CAPZB: variants seen among roughly 807,000 people sequenced by gnomAD.
CAPZB encodes the protein F-actin-capping protein subunit beta.
Under a neutral mutation model 38.1 loss-of-function variants are expected in CAPZB, and 2 were observed. The observed-to-expected ratio is 0.05, with a 90% CI of 0.02 to 0.17. The LOEUF (loss-of-function observed/expected upper bound fraction) is 0.17. CAPZB is among the 10% of genes least tolerant of loss of function. CAPZB has a pLI of 1.00. For missense variants in CAPZB, 161 were observed against 334.2 expected, an observed-to-expected ratio of 0.48 and a Z score of 4.04; for synonymous variants, 107 against 127.4, an observed-to-expected ratio of 0.84 and a Z score of 1.08.
At chr1:19,404,281 T>C (rs60780644) in intron 2 of CAPZB, among the ~76,000 whole-genome samples, 47,110 of 145,640 alleles carry the variant, frequency 0.32, 7,695 homozygotes, top group Middle Eastern at 0.42. Flanking sequence ...CAGTGGCTCA[T>C]GCCTGTAATC....
At chr1:19,344,238 G>C (rs1344640894) in intron 8 of CAPZB, 120 bp downstream of exon 8, 2 of 747,694 alleles carry the variant, frequency 2.7e-6, no homozygotes, top group Admixed American at 2.1e-5. Context: ...TCCCAGAAGA[G>C]GGGCACTGCA....
intron 6 of CAPZB, among the ~76,000 whole-genome samples, chr1:19,346,287 C>T (rs2093959940): frequency 6.6e-6 from 1 of 151,892 alleles, no homozygotes; most frequent in Non-Finnish European, 1.5e-5. Flanking sequence ...AGAACAGCAT[C>T]AGAAAGGGTA....
intron 1 of CAPZB, among the ~76,000 whole-genome samples, chr1:19,440,901 A>G (rs542693651): frequency 9.9e-5 from 15 of 152,156 alleles, no homozygotes; most frequent in Non-Finnish European, 1.8e-4. Context: ...TCTACTAAAA[A>G]TACAAACAAT....
chr1:19,426,102 G>T (rs1344240465), intron 1 of CAPZB, among the ~76,000 whole-genome samples: 1 of 152,206 alleles, frequency 6.6e-6, no homozygotes, highest in African/African-American at 2.4e-5. Flanking sequence ...CATGGCCTGG[G>T]GAGGTGACTG....
intron 4 of CAPZB, among the ~76,000 whole-genome samples, chr1:19,367,826 T>C (rs2094098374): frequency 6.6e-6 from 1 of 152,192 alleles, no homozygotes; most frequent in African/African-American, 2.4e-5. Flanking sequence ...AAAGAAATAA[T>C]GAAGGCCTCT....
intron 2 of CAPZB, among the ~76,000 whole-genome samples, chr1:19,416,280 A>G (rs1355403016): frequency 6.6e-6 from 1 of 152,250 alleles, no homozygotes; most frequent in Admixed American, 6.5e-5. Flanking sequence ...AAACTGACAC[A>G]GCACATAGAC....
At chr1:19,350,476 G>A (rs751605978) in intron 6 of CAPZB, among the ~76,000 whole-genome samples, 2 of 152,270 alleles carry the variant, frequency 1.3e-5, no homozygotes, top group Admixed American at 1.3e-4. Context: ...AGGACCCGGC[G>A]TGCAGCCAGG....
Position 19,391,313 on chromosome 1 carries a change from C to T in CAPZB, c.94-5687G>A, listed in dbSNP as rs148455612. Among the ~76,000 whole-genome samples, 328 of 152,334 alleles carry T rather than the reference C, an allele frequency of 2.2e-3. 2 individuals are homozygous for T. The highest frequency in any genetic ancestry group is 7.5e-3 in the African/African-American group (311 of 41,580). The stretch of plus-strand genomic sequence containing the variant: ...GCTCAGACCCACGGAGTCTAACCCA[C>T]GGCGCCCTTGTCTTTAAGAAGTGCA... On this transcript the variant is annotated intron_variant, in intron 2 of 8. Coordinates refer to ENST00000264202, the MANE Select transcript of CAPZB (RefSeq NM_004930.5).
chr1:19,359,763 A>G (rs553601529), intron 4 of CAPZB, among the ~76,000 whole-genome samples: 1 of 152,308 alleles, frequency 6.6e-6, no homozygotes, highest in East Asian at 1.9e-4. Context: ...CTTTCCTACG[A>G]GAGGAAAAGG....
At chr1:19,360,862 G>C (rs1048598192) in intron 4 of CAPZB, among the ~76,000 whole-genome samples, 7 of 152,052 alleles carry the variant, frequency 4.6e-5, no homozygotes, top group African/African-American at 1.5e-4. Flanking sequence ...CACTCCTTGT[G>C]GGGTTACTAT....
At chr1:19,390,417 C>T (rs1050134980) in intron 2 of CAPZB, among the ~76,000 whole-genome samples, 5 of 152,272 alleles carry the variant, frequency 3.3e-5, no homozygotes, top group Non-Finnish European at 7.3e-5. Context: ...AACTGCCTAA[C>T]GGCCTTGGAG....
chr1:19,427,388 T>C (rs934857070), intron 1 of CAPZB, among the ~76,000 whole-genome samples: 6 of 152,238 alleles, frequency 3.9e-5, no homozygotes, highest in Non-Finnish European at 5.9e-5. Context: ...AATAACTTCA[T>C]AGACAGCACA....
intron 6 of CAPZB, among the ~76,000 whole-genome samples, 168 bp from the exon 7 acceptor site, chr1:19,345,420 G>A (rs1158721579): frequency 1.3e-5 from 2 of 152,220 alleles, no homozygotes; most frequent in African/African-American, 4.8e-5. Context: ...AGCACAAACC[G>A]ACTTCAGTTT....
At chr1:19,464,130 T>C (rs1342158725) in intron 1 of CAPZB, among the ~76,000 whole-genome samples, 1 of 150,672 alleles carries the variant, frequency 6.6e-6, no homozygotes, top group Non-Finnish European at 1.5e-5. Context: ...GAGGTTGTAG[T>C]GAGCCAAGAT....
chr1:19,339,526 A>T lies in CAPZB; in HGVS notation c.*4T>A, dbSNP rs377396733. On this transcript the variant is annotated 3_prime_UTR_variant, in exon 9 of 9. Coordinates refer to ENST00000264202, the MANE Select transcript of CAPZB (RefSeq NM_004930.5). ...GGCGTGTCTGGTTAGCATGAAACAG[A>T]GGTTTAGCATTGCTGCTTTCTCTTC... 2.0e-4 allele frequency: 318 copies of T among 1,606,154 alleles called. No homozygotes were observed. Among genetic ancestry groups the T allele is most frequent in the Non-Finnish European group, 2.6e-4 (306 of 1,172,816 alleles).
chr1:19,414,467 A>G (rs1188055550), intron 2 of CAPZB, among the ~76,000 whole-genome samples: 2 of 152,170 alleles, frequency 1.3e-5, no homozygotes, highest in Non-Finnish European at 2.9e-5. Context: ...TCCCCTTGAT[A>G]GAGTAAAGTC....
chr1:19,356,861 C>CTTTT lies in CAPZB; in HGVS notation c.472-114_472-111dup. On this transcript the variant is annotated intron_variant, in intron 5 of 8. Coordinates refer to ENST00000264202, the MANE Select transcript of CAPZB (RefSeq NM_004930.5). This position sits in a 1 kb window ranked among gnomAD's most constrained non-coding sequence, Gnocchi z 4.3. ...TCCTAGGTCATTATCACAATATTAC[C>CTTTT]TTTTTTTTTTTTAAATTGGAGACAA... 3 of 589,290 alleles carry CTTTT rather than the reference C, an allele frequency of 5.1e-6. No individual in the cohort carries two copies. The highest frequency in any genetic ancestry group is 5.4e-5 in the Admixed American group (2 of 37,288). 36.5% of individuals were successfully genotyped at this position (589,290 alleles called of 1,614,324 possible).
chr1:19,351,494 G>T (rs1457607862), intron 6 of CAPZB, among the ~76,000 whole-genome samples: 1 of 152,112 alleles, frequency 6.6e-6, no homozygotes, highest in African/African-American at 2.4e-5. Flanking sequence ...TGGGAGGGGT[G>T]AAGGGGTGGG....
At chr1:19,444,440 T>C (rs914998739) in intron 1 of CAPZB, among the ~76,000 whole-genome samples, 1 of 152,210 alleles carries the variant, frequency 6.6e-6, no homozygotes, top group African/African-American at 2.4e-5. Flanking sequence ...TTCTCACTCA[T>C]ATAAACAAAC....
Sources: allele counts gnomAD v4.1 joint callset (sites outside exome capture counted in the v4.1 genomes callset), GRCh38; gene constraint gnomAD v4.1.1; non-coding constraint Gnocchi (gnomAD v3.1); transcripts MANE v1.5; gene names NCBI Gene and HGNC (gene_info 2026-07-23, HGNC 2026-07-21).